The following LRFN5 variants were observed in gnomAD, a reference collection of about 807,000 sequenced individuals.
LRFN5 encodes leucine rich repeat and fibronectin type III domain containing 5.
LRFN5 carries 24 observed loss-of-function variants against 45.6 expected under a neutral mutation model. The observed-to-expected ratio is 0.53, with a 90% CI of 0.38 to 0.74. LRFN5 has a LOEUF of 0.74. Among genes scored for constraint, LRFN5 ranks in the 30% least tolerant of loss-of-function variants. LRFN5 has a pLI of 0.00. For synonymous variants in LRFN5, 340 were observed against 313.8 expected (o/e 1.08, Z -0.88); for missense variants, 776 against 861.5 (o/e 0.90, Z 1.24).
At chr14:41,675,195 C>G (rs1402585891) in intron 1 of LRFN5, among the ~76,000 whole-genome samples, 494 of 134,902 alleles carry the variant, frequency 3.7e-3, no homozygotes, top group African/African-American at 8.5e-3. Context: ...ACTTCCCAGA[C>G]GGGGTGGCGG....
intron 4 of LRFN5, chr14:41,892,406 C>T: frequency 3.0e-6 from 3 of 984,712 alleles, no homozygotes; most frequent in Non-Finnish European, 3.6e-6. Flanking sequence ...AGTGCCTTTC[C>T]CTATTCTAGG....
At chr14:41,674,579 C>T (rs1217527974) in intron 1 of LRFN5, among the ~76,000 whole-genome samples, 7 of 141,468 alleles carry the variant, frequency 4.9e-5, no homozygotes, top group Non-Finnish European at 7.8e-5. Context: ...CTCTCCAGGA[C>T]GGGGCGGCTG....
At chr14:41,686,031 C>T (rs574292559) in intron 1 of LRFN5, among the ~76,000 whole-genome samples, 1 of 152,180 alleles carries the variant, frequency 6.6e-6, no homozygotes, top group South Asian at 2.1e-4. Flanking sequence ...ATGGAAATAG[C>T]ATGGAATCTA....
chr14:41,711,497 A>G (rs1385047471), intron 1 of LRFN5, among the ~76,000 whole-genome samples: 1 of 152,190 alleles, frequency 6.6e-6, no homozygotes, highest in Non-Finnish European at 1.5e-5. Flanking sequence ...AAAAACACAG[A>G]GGACATATGT....
At chr14:41,898,045 T>A (rs1890995235) in intron 4 of LRFN5, among the ~76,000 whole-genome samples, 1 of 152,060 alleles carries the variant, frequency 6.6e-6, no homozygotes, top group Admixed American at 6.6e-5. Context: ...AATGTGAACA[T>A]CTCCTATTAT....
chr14:41,782,020 T>C (rs1411424060), intron 2 of LRFN5, among the ~76,000 whole-genome samples: 3 of 152,080 alleles, frequency 2.0e-5, no homozygotes, highest in Non-Finnish European at 4.4e-5. Flanking sequence ...ATTTGTACTG[T>C]GTAGTGTTCT....
At chr14:41,654,202 A>G (rs1297146380) in intron 1 of LRFN5, among the ~76,000 whole-genome samples, 1 of 152,068 alleles carries the variant, frequency 6.6e-6, no homozygotes, top group East Asian at 1.9e-4. Flanking sequence ...TATAATAATA[A>G]TAAAAAAAAA....
At chr14:41,765,319 G>A (rs1417963042) in intron 1 of LRFN5, among the ~76,000 whole-genome samples, 6 of 149,224 alleles carry the variant, frequency 4.0e-5, no homozygotes, top group Non-Finnish European at 7.4e-5. Context: ...TCCAGCCTGG[G>A]CTACTGAGCG....
Position 41,684,628 on chromosome 14 carries a change from C to T in LRFN5, c.-197+76066C>T, listed in dbSNP as rs59898385. Among the ~76,000 whole-genome samples the T allele has an allele frequency of 8.6e-3, 1,304 of 152,156 alleles. 24 individuals are homozygous for T. Among genetic ancestry groups the T allele is most frequent in the African/African-American group, 0.03 (1,261 of 41,514 alleles). ...ATGAGATTTTGGGTGAGGACACAGCCAAACCATATCACTTGCCATACAGAA... is the reference window on the plus strand; with the variant it reads ...ATGAGATTTTGGGTGAGGACACAGCTAAACCATATCACTTGCCATACAGAA... On this transcript the variant is annotated intron_variant, in intron 1 of 5. Transcript: ENST00000298119.
chr14:41,899,304 A>G (rs1008103048), intron 5 of LRFN5, among the ~76,000 whole-genome samples: 1 of 152,136 alleles, frequency 6.6e-6, no homozygotes, highest in Non-Finnish European at 1.5e-5. Flanking sequence ...CAGTACCTTG[A>G]TAAGAATGTA....
intron 2 of LRFN5, among the ~76,000 whole-genome samples, chr14:41,827,832 A>T (rs1888349490): frequency 6.6e-6 from 1 of 152,004 alleles, no homozygotes; most frequent in South Asian, 2.1e-4. Flanking sequence ...TAAATTTGGG[A>T]ACTAGTTCTC....
At chr14:41,769,431 C>T (rs914670834) in intron 2 of LRFN5, among the ~76,000 whole-genome samples, 2 of 152,082 alleles carry the variant, frequency 1.3e-5, no homozygotes, top group African/African-American at 4.8e-5. Flanking sequence ...TGCTTAATGT[C>T]TTAACAGCAA....
At chr14:41,852,665 T>A (rs1285717398) in intron 2 of LRFN5, among the ~76,000 whole-genome samples, 1 of 151,942 alleles carries the variant, frequency 6.6e-6, no homozygotes, top group East Asian at 1.9e-4. Flanking sequence ...TTGCACTAAA[T>A]TTACCCATTA....
chr14:41,669,885 A>G (rs1311378418), intron 1 of LRFN5, among the ~76,000 whole-genome samples: 1 of 151,764 alleles, frequency 6.6e-6, no homozygotes, highest in African/African-American at 2.4e-5. Flanking sequence ...AAAAAGGAGT[A>G]GAGAAATTCA....
chr14:41,838,131 C>T (rs189423815), intron 2 of LRFN5, among the ~76,000 whole-genome samples: 2 of 152,126 alleles, frequency 1.3e-5, no homozygotes, highest in African/African-American at 4.8e-5. Flanking sequence ...TTTTTAACAT[C>T]TACAAAAACA....
At chr14:41,636,022 C>T (rs1341515058) in intron 1 of LRFN5, among the ~76,000 whole-genome samples, 3 of 152,046 alleles carry the variant, frequency 2.0e-5, no homozygotes, top group Non-Finnish European at 2.9e-5. Flanking sequence ...TGGGTGGACT[C>T]CATGTTAATG....
intron 1 of LRFN5, among the ~76,000 whole-genome samples, chr14:41,751,899 T>C (rs1252428033): frequency 7.2e-6 from 1 of 138,494 alleles, no homozygotes; most frequent in Non-Finnish European, 1.6e-5. Flanking sequence ...TATCTCCTAA[T>C]GTTATCCCTC....
At chr14:41,764,586 G>A (rs554583872) in intron 1 of LRFN5, among the ~76,000 whole-genome samples, 1 of 152,142 alleles carries the variant, frequency 6.6e-6, no homozygotes, top group South Asian at 2.1e-4. Context: ...TTTAGGGGGA[G>A]TTAGGATGAT....
chr14:41,728,512 A>G (rs1039226708), intron 1 of LRFN5, among the ~76,000 whole-genome samples: 6 of 152,140 alleles, frequency 3.9e-5, no homozygotes, highest in Admixed American at 6.6e-5. Flanking sequence ...ACCATCTCCT[A>G]TCTGTCTTTT....
Sources: gnomAD v4.1 joint callset for allele counts (sites outside exome capture counted in the v4.1 genomes callset) on GRCh38, gnomAD v4.1.1 for gene constraint, MANE v1.5 for transcripts, NCBI Gene and HGNC (gene_info 2026-07-23, HGNC 2026-07-21) for gene names.